The following RHPN1 variants were observed in gnomAD, a reference collection of about 807,000 sequenced individuals.
The protein encoded by RHPN1 is rhophilin-1.
Under a neutral mutation model 74.7 loss-of-function variants are expected in RHPN1, and 77 were observed. The observed-to-expected ratio is 1.03, with a 90% confidence interval of 0.86 to 1.25. The LOEUF is 1.25. RHPN1 is among the 50% of genes most tolerant of loss of function. The pLI is 0.00. For synonymous variants in RHPN1, 444 were observed against 414.5 expected (o/e 1.07, Z -0.87); for missense variants, 987 against 932.2 (o/e 1.06, Z -0.77).
chr8:143,369,572 C>T (rs1225241105), intron 1 of RHPN1, among the ~76,000 whole-genome samples: 1 of 152,168 alleles, frequency 6.6e-6, no homozygotes, highest in African/African-American at 2.4e-5. Context: ...GTCCCTAACC[C>T]GGGGTGCTGA....
At chr8:143,369,474 G>A (rs1205828260) in intron 1 of RHPN1, among the ~76,000 whole-genome samples, 1 of 152,214 alleles carries the variant, frequency 6.6e-6, no homozygotes, top group East Asian at 1.9e-4. Flanking sequence ...TGGTAGCAGC[G>A]GGCAGCGAAG....
intron 3 of RHPN1, 134 bp downstream of exon 3, chr8:143,376,787 T>C (rs1818260959): frequency 9.5e-7 from 1 of 1,052,072 alleles, no homozygotes; most frequent in Non-Finnish European, 1.4e-6. Flanking sequence ...TGTGTGCATG[T>C]GTGTGCATGC....
At position 143,382,875 on chromosome 8, in the gene RHPN1, G is replaced by A. The variant is rs2272755; in HGVS notation, c.*224G>A. 0.15 allele frequency: 87,826 copies of A among 575,402 alleles called. 7,447 individuals are homozygous for A. The highest frequency in any genetic ancestry group is 0.24 in the Middle Eastern group (521 of 2,184). The allele number at this position is 575,402 out of a possible 1,614,324, so 35.6% of individuals were successfully genotyped here. A position where few individuals can be genotyped will look rare whatever the true frequency, so the allele number is the denominator to read the frequency against. On this transcript the variant is annotated 3_prime_UTR_variant, in exon 15 of 15. Coordinates refer to ENST00000289013, the MANE Select transcript of RHPN1 (RefSeq NM_052924.3). ...ACAGAAGGATGCCAGTCCCTCTGTC[G>A]GTCTGAGGTCAGCTTCCTGGGGCTG...
chr8:143,381,565 C>T lies in RHPN1; in HGVS notation c.1489-7C>T. On this transcript the variant is annotated splice_polypyrimidine_tract_variant and splice_region_variant and intron_variant, in intron 12 of 14. Coordinates refer to ENST00000289013, the MANE Select transcript of RHPN1 (RefSeq NM_052924.3). ...AGCTGGGCCTCTGACCTCTGAGCCC[C>T]TGCCAGGGGCCCCTGTCTGTGTTCT... The T allele has an allele frequency of 1.2e-6, 2 of 1,604,554 alleles. No individual in the cohort carries two copies. The highest frequency in any genetic ancestry group is 8.5e-7 in the Non-Finnish European group (1 of 1,178,004).
chr8:143,382,112 C>T, intron 14 of RHPN1, 144 bp downstream of exon 14: 1 of 847,652 alleles, frequency 1.2e-6, no homozygotes, highest in South Asian at 1.8e-5. Flanking sequence ...TGGGCAGGGG[C>T]CACCTGTGCT....
In RHPN1 at chr8:143,375,688, C is replaced by A. The variant is rs565483144; in HGVS notation, c.176+20C>A. ...CTACAGGTCAGTGCTTGAGACTGCC[C>A]GGCCCCGGGAGCAGGGCCCACCTGG... On this transcript the variant is annotated intron_variant, in intron 2 of 14. Transcript: ENST00000289013. 6.4e-7 allele frequency: 1 copy of A among 1,574,334 alleles called. No homozygotes were observed. The highest frequency in any genetic ancestry group is 1.8e-5 in the Admixed American group (1 of 54,392).
intron 2 of RHPN1, 28 bp downstream of exon 2, chr8:143,375,696 G>A (rs1818168365): frequency 1.3e-6 from 2 of 1,551,522 alleles, no homozygotes; most frequent in Non-Finnish European, 1.8e-6. Flanking sequence ...CCCGGCCCCG[G>A]GAGCAGGGCC....
intron 3 of RHPN1, 141 bp downstream of exon 3, chr8:143,376,794 A>G (rs36134466): frequency 0.021 from 21,629 of 1,012,136 alleles, 338 homozygotes; most frequent in Non-Finnish European, 0.027. Flanking sequence ...ATGTGTGTGC[A>G]TGCATGTCTG....
rs1379890497 is a variant in RHPN1, at chr8:143,378,262, C to T, written c.382-7C>T. 1.3e-6 allele frequency: 2 copies of T among 1,565,234 alleles called. No homozygotes were observed. Among genetic ancestry groups the T allele is most frequent in the Non-Finnish European group, 8.7e-7 (1 of 1,154,954 alleles). On this transcript the variant is annotated splice_polypyrimidine_tract_variant and splice_region_variant and intron_variant, in intron 4 of 14. Coordinates refer to ENST00000289013, the MANE Select transcript of RHPN1 (RefSeq NM_052924.3). ...TACTGTGGATGCCAACACCTGCCCC[C>T]CATCAGGAGCTGATCTCAGTGCACT...
chr8:143,377,497 C>G, intron 4 of RHPN1, 42 bp downstream of exon 4: 1 of 1,485,174 alleles, frequency 6.7e-7, no homozygotes, highest in Non-Finnish European at 9.4e-7. Context: ...CGGCCCTGCC[C>G]TGGGACCAAG....
chr8:143,379,344 T>G lies in RHPN1; in HGVS notation c.781T>G (p.Ser261Ala), dbSNP rs1346763229. The change falls in exon 8 of 15, where the codon TCC becomes GCC. Residue 261 changes from serine to alanine, a missense_variant. Physicochemically the swap from Ser to Ala is moderately conservative, Grantham distance 99 (BLOSUM62 1). Coordinates refer to ENST00000289013, the MANE Select transcript of RHPN1 (RefSeq NM_052924.3). ...GAFSLLRENFSHAPSPDMSAA... is the reference protein window; with the variant it reads ...GAFSLLRENFAHAPSPDMSAA... ...CTTCAGCCTCCTGAGGGAGAACTTC[T>G]CCCATGCGCCGAGCCCAGACATGAG... 1 of 1,599,450 alleles carries G rather than the reference T, an allele frequency of 6.3e-7. No homozygotes were observed. The highest frequency in any genetic ancestry group is 1.7e-5 in the Admixed American group (1 of 59,106).
chr8:143,378,217 A>G (rs1818415112), intron 4 of RHPN1, 52 bp from the exon 5 acceptor site: 1 of 1,457,336 alleles, frequency 6.9e-7, no homozygotes, highest in Non-Finnish European at 9.4e-7. Context: ...GACCTCAGGG[A>G]AGGAGGCCAG....
chr8:143,376,663 GGGGCC>G lies in RHPN1; in HGVS notation c.305+14_305+18del. ...CTGGCCGGCATGGGAGGTGCGGGTGGGGGCCGGGACAGCACGTGCGTGTATGTGTG... is the reference window on the plus strand; with the variant it reads ...CTGGCCGGCATGGGAGGTGCGGGTGGGGGACAGCACGTGCGTGTATGTGTG... On this transcript the variant is annotated intron_variant, in intron 3 of 14. Transcript: ENST00000289013. 1 of 1,560,022 alleles carries G rather than the reference GGGGCC, an allele frequency of 6.4e-7. No individual in the cohort carries two copies. The highest frequency in any genetic ancestry group is 8.7e-7 in the Non-Finnish European group (1 of 1,152,398).
chr8:143,376,395 C>A (rs1473122772), intron 2 of RHPN1, 130 bp from the exon 3 acceptor site: 3 of 1,355,096 alleles, frequency 2.2e-6, no homozygotes, highest in Non-Finnish European at 3.0e-6. Flanking sequence ...GGGGGCAGAC[C>A]CTGTCAGCGA....
chr8:143,380,108 G>A lies in RHPN1; in HGVS notation c.1149G>A (p.Gln383=). The A allele has an allele frequency of 1.3e-6, 2 of 1,552,660 alleles. No homozygotes were observed. The highest frequency in any genetic ancestry group is 1.7e-6 in the Non-Finnish European group (2 of 1,149,418). The change falls in exon 10 of 15, where the codon CAG becomes CAA. Residue 383 remains glutamine, a synonymous_variant. Coordinates refer to ENST00000289013, the MANE Select transcript of RHPN1 (RefSeq NM_052924.3). ...CCACGCACGAGCAGGTCTTCCTGCA[G>A]CCCCCCACCTCCTCTAAGCCCCGAG... ...ELPTHEQVFL[Q]PPTSSKPRGP...
upstream of RHPN1, among the ~76,000 whole-genome samples, chr8:143,364,690 G>A (rs940128659): frequency 6.6e-6 from 1 of 152,144 alleles, no homozygotes; most frequent in African/African-American, 2.4e-5. The surrounding 1 kb of genome is among the most constrained non-coding windows in gnomAD (Gnocchi z 4.5). Flanking sequence ...TGTGACTGGG[G>A]AGGGATTGAT....
rs371512488 is a variant in RHPN1, at chr8:143,382,532, C to T, written c.1894C>T (p.Arg632Trp). The T allele has an allele frequency of 2.9e-5, 47 of 1,610,668 alleles. No homozygotes were observed. The highest frequency in any genetic ancestry group is 2.2e-4 in the East Asian group (10 of 44,846). Residue 632 changes from arginine to tryptophan, a missense_variant, in exon 15 of 15, where the codon CGG becomes TGG. Arg to Trp is a moderately radical substitution (Grantham distance 101). Coordinates refer to ENST00000289013, the MANE Select transcript of RHPN1 (RefSeq NM_052924.3). ...CCCGGCATCCACGTGGGCCAGTCCC[C>T]GGCCCCTCCTCAACTGGAGCCGAAA... ...KTPASTWASP[R>W]PLLNWSRKAQ...
At chr8:143,376,009 G>A (rs1208742063) in intron 2 of RHPN1, among the ~76,000 whole-genome samples, 1 of 152,232 alleles carries the variant, frequency 6.6e-6, no homozygotes, top group Non-Finnish European at 1.5e-5. Flanking sequence ...TGGGGACCTG[G>A]GAGGGGGTGG....
chr8:143,374,057 T>C (rs1818046445), intron 1 of RHPN1: 1 of 937,456 alleles, frequency 1.1e-6, no homozygotes, highest in Admixed American at 6.2e-5. Flanking sequence ...AAATCAAACC[T>C]TTCTTGTATA....
Sources: gnomAD v4.1 joint callset for allele counts (sites outside exome capture counted in the v4.1 genomes callset) on GRCh38, gnomAD v4.1.1 for gene constraint, Gnocchi (gnomAD v3.1) non-coding constraint, MANE v1.5 for transcripts, NCBI Gene and HGNC (gene_info 2026-07-23, HGNC 2026-07-21) for gene names.